SBF2: variants seen among roughly 807,000 people sequenced by gnomAD.
SBF2 encodes the protein myotubularin-related protein 13.
SBF2 carries 112 observed loss-of-function variants against 225.2 expected under a neutral mutation model. The ratio of observed to expected loss-of-function variants is 0.50; its 90% CI spans 0.43 to 0.58. The LOEUF is 0.58. SBF2 is among the 20% of genes least tolerant of loss of function. The probability of loss-of-function intolerance (pLI) is 0.00; values close to 1 mark genes in which losing one functional copy is unlikely to be tolerated. For missense variants in SBF2, 1,996 were observed against 2,206.2 expected (o/e 0.90, Z 1.91); for synonymous variants, 763 against 773.3 (o/e 0.99, Z 0.22).
chr11:9,968,303 A>C (rs1408131713), intron 14 of SBF2, 38 bp downstream of exon 14: 5 of 1,583,322 alleles, frequency 3.2e-6, no homozygotes, highest in African/African-American at 1.3e-5. Flanking sequence ...ACATCCTTAT[A>C]AACAGTTTAC....
chr11:9,926,749 G>A (rs190676595), intron 16 of SBF2, among the ~76,000 whole-genome samples: 25 of 152,064 alleles, frequency 1.6e-4, no homozygotes, highest in Admixed American at 1.5e-3. Flanking sequence ...CTAATAAGGC[G>A]GTATTTAGTG....
chr11:10,070,181 T>C (rs1950805322), intron 2 of SBF2, among the ~76,000 whole-genome samples: 1 of 152,252 alleles, frequency 6.6e-6, no homozygotes, highest in African/African-American at 2.4e-5. Flanking sequence ...TTTGTCAATT[T>C]TGGCTTTTGT....
In SBF2 at chr11:9,853,524, T is replaced by A. The variant is rs200967111; in HGVS notation, c.2536+16A>T. 2 of 1,610,166 alleles carry A rather than the reference T, an allele frequency of 1.2e-6. No individual in the cohort carries two copies. Among genetic ancestry groups the A allele is most frequent in the South Asian group, 2.2e-5 (2 of 90,990 alleles). On this transcript the variant is annotated intron_variant, in intron 20 of 39. Transcript: ENST00000256190. Reference sequence around the variant, plus strand: ...TCTCCAATATTCTGATTCTCTAATATCTGCAGAGTGATTACCTGGTATCAT... The same window carrying A: ...TCTCCAATATTCTGATTCTCTAATAACTGCAGAGTGATTACCTGGTATCAT...
At chr11:10,197,376 T>G (rs1192463174) in intron 1 of SBF2, among the ~76,000 whole-genome samples, 1 of 152,216 alleles carries the variant, frequency 6.6e-6, no homozygotes, top group Non-Finnish European at 1.5e-5. Flanking sequence ...GGTTTCTCAG[T>G]GCATGTAAAA....
chr11:9,870,575 G>C (rs1858640591), intron 17 of SBF2, among the ~76,000 whole-genome samples: 2 of 152,142 alleles, frequency 1.3e-5, no homozygotes, highest in East Asian at 1.9e-4. Context: ...TCTGATCGTT[G>C]ACAAACCTGA....
intron 13 of SBF2, among the ~76,000 whole-genome samples, chr11:9,969,019 T>C (rs1365527227): frequency 7.0e-6 from 1 of 143,734 alleles, no homozygotes; most frequent in Non-Finnish European, 1.6e-5. Flanking sequence ...TATTTTCACT[T>C]GGATTTTTTA....
intron 2 of SBF2, among the ~76,000 whole-genome samples, chr11:10,138,668 A>G (rs1228823615): frequency 6.6e-6 from 1 of 152,006 alleles, no homozygotes; most frequent in Non-Finnish European, 1.5e-5. Flanking sequence ...ACTTCCATTC[A>G]ATGTATTTTT....
chr11:10,157,462 A>G (rs547451517), intron 2 of SBF2, among the ~76,000 whole-genome samples: 13 of 152,254 alleles, frequency 8.5e-5, no homozygotes, highest in Non-Finnish European at 1.6e-4. Flanking sequence ...AAAGGTAACT[A>G]TCAACAAAGT....
At chr11:9,936,467 G>C (rs1340476346) in intron 16 of SBF2, among the ~76,000 whole-genome samples, 1 of 152,144 alleles carries the variant, frequency 6.6e-6, no homozygotes, top group Non-Finnish European at 1.5e-5. Flanking sequence ...ATACCCAAAG[G>C]ATTATAAATC....
intron 2 of SBF2, among the ~76,000 whole-genome samples, chr11:10,166,791 A>T (rs2028577): frequency 0.096 from 14,617 of 152,000 alleles, 964 homozygotes; most frequent in East Asian, 0.29. Context: ...CACAAAACCC[A>T]TCTCTACTAA....
At chr11:9,781,466 G>A in intron 39 of SBF2, 41 bp downstream of exon 39, 1 of 1,613,278 alleles carries the variant, frequency 6.2e-7, no homozygotes, top group South Asian at 1.1e-5. Flanking sequence ...ACAGAATGAT[G>A]TGCAGACAGA....
At chr11:9,967,971 C>CTATA (rs1188261255) in intron 14 of SBF2, among the ~76,000 whole-genome samples, 1,740 of 91,196 alleles carry the variant, frequency 0.019, 35 homozygotes, top group Non-Finnish European at 0.028. Flanking sequence ...CTCTCTCTCT[C>CTATA]TATATATATA....
chr11:10,024,703 C>T (rs765864138), intron 6 of SBF2, among the ~76,000 whole-genome samples: 1 of 152,140 alleles, frequency 6.6e-6, no homozygotes, highest in Non-Finnish European at 1.5e-5. Context: ...ACTCTTCCCT[C>T]CTCCCTGTAC....
At chr11:10,066,501 GAAAC>G (rs919768487) in intron 2 of SBF2, among the ~76,000 whole-genome samples, 12 of 152,002 alleles carry the variant, frequency 7.9e-5, no homozygotes, top group East Asian at 1.9e-4. Context: ...ACATAAAAAA[GAAAC>G]AAACTAAGAA....
chr11:10,234,988 C>T (rs980804156), intron 1 of SBF2, among the ~76,000 whole-genome samples: 1 of 152,086 alleles, frequency 6.6e-6, no homozygotes, highest in Admixed American at 6.5e-5. Flanking sequence ...GCACTTCCTA[C>T]GTACAAAGAG....
rs969256312 is a variant in SBF2 at position 10,184,965 on chromosome 11, G to GT, written c.141+8936dup. Among the ~76,000 whole-genome samples, 48 of 152,126 alleles carry GT rather than the reference G, an allele frequency of 3.2e-4. 1 individual carries two copies. The highest frequency in any genetic ancestry group is 2.9e-3 in the Admixed American group (45 of 15,280). ...ATGGTCTCGATCTCCTAGTATTTGT[G>GT]TTTTTTTGTGATTGGCTTATTTCCC... On this transcript the variant is annotated intron_variant, in intron 2 of 39. Transcript: ENST00000256190.
chr11:10,295,429 G>C (rs1964471566), upstream of SBF2, among the ~76,000 whole-genome samples: 1 of 152,108 alleles, frequency 6.6e-6, no homozygotes, highest in Admixed American at 6.6e-5. Flanking sequence ...TGCCACACTT[G>C]TTTCATCTAC....
chr11:10,166,887 G>A (rs982123107), intron 2 of SBF2, among the ~76,000 whole-genome samples: 1 of 151,780 alleles, frequency 6.6e-6, no homozygotes, highest in African/African-American at 2.4e-5. Flanking sequence ...ACTTGAGCCC[G>A]GAAGTCAGAG....
intron 2 of SBF2, among the ~76,000 whole-genome samples, chr11:10,156,124 C>A (rs1955464747): frequency 6.6e-6 from 1 of 152,234 alleles, no homozygotes; most frequent in Non-Finnish European, 1.5e-5. Flanking sequence ...GTGCCTGCTC[C>A]TGTTCCCTGG....
Sources: gnomAD v4.1 joint callset for allele counts (sites outside exome capture counted in the v4.1 genomes callset) on GRCh38, gnomAD v4.1.1 for gene constraint, MANE v1.5 for transcripts, NCBI Gene and HGNC (gene_info 2026-07-23, HGNC 2026-07-21) for gene names.